The following SRPK1 variants were observed in gnomAD, a reference collection of about 807,000 sequenced individuals.
SRPK1 encodes SFRS protein kinase 1.
SRPK1 carries 52 observed loss-of-function variants against 89.5 expected under a neutral mutation model. That is an observed-to-expected ratio of 0.58 (90% CI 0.46 to 0.73). The LOEUF (loss-of-function observed/expected upper bound fraction) is 0.73, where lower values mean the gene tolerates loss of function less well. Ranked by LOEUF, SRPK1 falls within the 30% of genes least tolerant of loss-of-function variation. The pLI is 0.00. For missense variants in SRPK1, 603 were observed against 780.6 expected, an observed-to-expected ratio of 0.77 and a Z score of 2.71; for synonymous variants, 255 against 270.2, an observed-to-expected ratio of 0.94 and a Z score of 0.55.
At chr6:35,872,477 T>C (rs1770053911) in intron 8 of SRPK1, 86 bp downstream of exon 8, 4 of 1,188,714 alleles carry the variant, frequency 3.4e-6, no homozygotes, top group Middle Eastern at 4.5e-4. Flanking sequence ...ATGGATTGAG[T>C]GGTGTTTAAT....
intron 13 of SRPK1, chr6:35,857,054 AC>A (rs1191169412): frequency 2.1e-6 from 1 of 466,544 alleles, no homozygotes; most frequent in Non-Finnish European, 3.8e-6. Flanking sequence ...TGGTTCCTTC[AC>A]CTAACAGGAA....
At chr6:35,902,248 A>AG (rs1561993894) in intron 2 of SRPK1, among the ~76,000 whole-genome samples, 3 of 150,414 alleles carry the variant, frequency 2.0e-5, no homozygotes, top group African/African-American at 7.3e-5. Context: ...AAAAAAAAAA[A>AG]AAAAGAAAAA....
chr6:35,910,289 C>T (rs1770933991), intron 2 of SRPK1, among the ~76,000 whole-genome samples: 1 of 152,158 alleles, frequency 6.6e-6, no homozygotes. Context: ...AGCTTGCAAG[C>T]CTCATTTCTG....
intron 2 of SRPK1, among the ~76,000 whole-genome samples, chr6:35,894,590 G>A (rs1561990564): frequency 6.6e-6 from 1 of 152,058 alleles, no homozygotes; most frequent in Non-Finnish European, 1.5e-5. Context: ...TTTTTTATTA[G>A]GGAAATTTTT....
At chr6:35,870,853 A>G in intron 9 of SRPK1, 81 bp downstream of exon 9, 1 of 1,241,646 alleles carries the variant, frequency 8.1e-7, no homozygotes, top group Non-Finnish European at 1.1e-6. Flanking sequence ...AACTTGAAAC[A>G]AACTGTTACC....
intron 2 of SRPK1, among the ~76,000 whole-genome samples, chr6:35,916,051 A>G (rs973175436): frequency 2.0e-5 from 3 of 147,716 alleles, no homozygotes; most frequent in African/African-American, 7.5e-5. Context: ...CACGTTTATT[A>G]ATAAAAATTA....
intron 13 of SRPK1, among the ~76,000 whole-genome samples, chr6:35,852,381 C>T (rs1027481912): frequency 1.3e-5 from 2 of 152,164 alleles, no homozygotes; most frequent in Non-Finnish European, 2.9e-5. Flanking sequence ...AGATTATACT[C>T]TGTTTTTTTG....
intron 12 of SRPK1, 62 bp downstream of exon 12, chr6:35,868,948 G>A: frequency 1.5e-6 from 2 of 1,334,930 alleles, no homozygotes; most frequent in Non-Finnish European, 2.1e-6. Flanking sequence ...GCATAACTAA[G>A]TCCAAATTCT....
At chr6:35,907,856 T>TG (rs1267776051) in intron 2 of SRPK1, among the ~76,000 whole-genome samples, 5 of 152,144 alleles carry the variant, frequency 3.3e-5, no homozygotes, top group Non-Finnish European at 7.4e-5. Flanking sequence ...AGGGATGAGG[T>TG]GGGAGGTCAC....
At chr6:35,873,189 G>A (rs1382221571) in intron 7 of SRPK1, among the ~76,000 whole-genome samples, 3 of 152,148 alleles carry the variant, frequency 2.0e-5, no homozygotes, top group Non-Finnish European at 4.4e-5. Context: ...ATATTTTCCT[G>A]ATGGTAAAAT....
At position 35,869,615 on chromosome 6, in the gene SRPK1, C is replaced by T. The variant is rs747832186; in HGVS notation, c.1278G>A (p.Val426=). Residue 426 remains valine, a synonymous_variant, in exon 11 of 16, where the codon GTG becomes GTA. Coordinates refer to ENST00000373825, the MANE Select transcript of SRPK1 (RefSeq NM_003137.5). ...PITSEVSDTM[V]CQSSSTVGQS... is the part of the protein sequence containing the mutation. ...GACCTACAGTTGAGGAAGACTGGCACACCATGGTGTCTGACACCTCAGATG... is the reference window on the plus strand; with the variant it reads ...GACCTACAGTTGAGGAAGACTGGCATACCATGGTGTCTGACACCTCAGATG... 4.3e-6 allele frequency: 7 copies of T among 1,613,850 alleles called. No homozygotes were observed. The highest frequency in any genetic ancestry group is 5.9e-6 in the Non-Finnish European group (7 of 1,179,886).
chr6:35,911,618 C>CTAAG lies in SRPK1; in HGVS notation c.74+8846_74+8849dup, dbSNP rs758145836. ...TTTCTTTCTTTTTTGTTTTTAAGAG[C>CTAAG]TAAGGTCTCACTATGTTGCCCAGGC... On this transcript the variant is annotated intron_variant, in intron 2 of 15. Transcript: ENST00000373825. Among the ~76,000 whole-genome samples the CTAAG allele has an allele frequency of 4.0e-4, 60 of 151,614 alleles. No homozygotes were observed. The Middle Eastern group carries it at 0.014, about 34-fold the overall frequency.
intron 2 of SRPK1, among the ~76,000 whole-genome samples, chr6:35,917,775 C>G (rs1361287278): frequency 6.6e-6 from 1 of 152,194 alleles, no homozygotes; most frequent in East Asian, 1.9e-4. Context: ...CCAAAACTTT[C>G]TAAAATTTTC....
chr6:35,863,544 A>C (rs1332951722), intron 12 of SRPK1, among the ~76,000 whole-genome samples: 1 of 151,600 alleles, frequency 6.6e-6, no homozygotes, highest in East Asian at 1.9e-4. Context: ...AAAATAGTAG[A>C]TAAAAATTTC....
At chr6:35,836,397 T>C (rs1222599965) in intron 15 of SRPK1, among the ~76,000 whole-genome samples, 1 of 152,090 alleles carries the variant, frequency 6.6e-6, no homozygotes, top group Non-Finnish European at 1.5e-5. Context: ...TAATTGCTTC[T>C]TTGAAGTGAC....
In SRPK1 at chr6:35,870,957, T is replaced by C. The variant is rs944032050; in HGVS notation, c.754A>G (p.Ser252Gly). Residue 252 changes from serine to glycine, a missense_variant and splice_region_variant, in exon 9 of 16, where the codon AGT (serine) becomes GGT (glycine). By Grantham distance (56) the Ser-to-Gly change is moderately conservative. Transcript: ENST00000373825. ...GAPPPSGSAV[S>G]TAPQPKPADK... The stretch of plus-strand genomic sequence containing the variant: ...ACTGGTTTAGGCTGGGGAGCAGTAC[T>C]GACTGAAAAGAAAAGAAAACCAAGT... 6.2e-7 allele frequency: 1 copy of C among 1,607,282 alleles called. No individual in the cohort carries two copies. The highest frequency in any genetic ancestry group is 8.5e-7 in the Non-Finnish European group (1 of 1,176,158).
chr6:35,901,619 A>G (rs960209936), intron 2 of SRPK1, among the ~76,000 whole-genome samples: 1 of 152,196 alleles, frequency 6.6e-6, no homozygotes, highest in African/African-American at 2.4e-5. Context: ...TCTTGAAGGA[A>G]AGGACTGTGT....
intron 1 of SRPK1, 115 bp downstream of exon 1, chr6:35,920,929 G>A: frequency 1.6e-6 from 2 of 1,217,304 alleles, no homozygotes; most frequent in Non-Finnish European, 2.3e-6. Context: ...CTCAGTGGAG[G>A]GGCGCCGCAC....
chr6:35,879,506 C>T (rs1013393457), intron 6 of SRPK1, among the ~76,000 whole-genome samples: 10 of 151,974 alleles, frequency 6.6e-5, no homozygotes, highest in African/African-American at 1.9e-4. Context: ...CATGACTGTG[C>T]CACTGTACTC....
Sources: allele counts gnomAD v4.1 joint callset (sites outside exome capture counted in the v4.1 genomes callset), GRCh38; gene constraint gnomAD v4.1.1; transcripts MANE v1.5; gene names NCBI Gene and HGNC (gene_info 2026-07-23, HGNC 2026-07-21).